OLFM3: variants seen among roughly 807,000 people sequenced by gnomAD.
OLFM3 encodes the protein noelin-3.
In OLFM3, 20 loss-of-function variants were observed where a neutral mutation model predicts 48.6. The observed-to-expected ratio is 0.41, with a 90% CI of 0.29 to 0.60. OLFM3 has a LOEUF of 0.60. Ranked by LOEUF, OLFM3 falls within the 20% of genes least tolerant of loss-of-function variation. The pLI is 0.28. For synonymous variants in OLFM3, 222 were observed against 198.1 expected (o/e 1.12, Z -1.01); for missense variants, 437 against 544.3 (o/e 0.80, Z 1.96).
intron 1 of OLFM3, among the ~76,000 whole-genome samples, chr1:101,949,931 G>GA (rs71088114): frequency 0.089 from 4,769 of 53,292 alleles, 594 homozygotes; most frequent in Admixed American, 0.1. Context: ...GACTCCGTCT[G>GA]AAAAAAAAAA....
intron 1 of OLFM3, among the ~76,000 whole-genome samples, chr1:101,984,095 C>A (rs1661170258): frequency 6.6e-6 from 1 of 151,964 alleles, no homozygotes; most frequent in Admixed American, 6.5e-5. Context: ...CAAAAATTAG[C>A]TGAGCGTGGT....
intron 1 of OLFM3, among the ~76,000 whole-genome samples, chr1:101,896,068 G>A (rs1557721270): frequency 6.6e-6 from 1 of 151,432 alleles, no homozygotes; most frequent in Non-Finnish European, 1.5e-5. Context: ...ACAAAGATAT[G>A]CAACAATAAT....
intron 1 of OLFM3, among the ~76,000 whole-genome samples, chr1:101,849,245 T>G (rs17470860): frequency 0.28 from 42,496 of 152,196 alleles, 6,891 homozygotes; most frequent in Non-Finnish European, 0.38. Flanking sequence ...GCTAAATAGT[T>G]TGCAGTACTC....
At chr1:101,904,769 T>G (rs977902362) in intron 1 of OLFM3, among the ~76,000 whole-genome samples, 1 of 152,068 alleles carries the variant, frequency 6.6e-6, no homozygotes, top group Non-Finnish European at 1.5e-5. Context: ...TGAGAATAAC[T>G]CTTACAATTA....
At chr1:101,820,398 C>A (rs1005819186) in intron 4 of OLFM3, among the ~76,000 whole-genome samples, 2 of 152,024 alleles carry the variant, frequency 1.3e-5, no homozygotes, top group African/African-American at 4.8e-5. Flanking sequence ...GGGGTGTGTA[C>A]AAACTTCAAT....
chr1:101,844,180 G>C (rs1655872445), intron 1 of OLFM3, among the ~76,000 whole-genome samples: 1 of 152,140 alleles, frequency 6.6e-6, no homozygotes, highest in Non-Finnish European at 1.5e-5. Context: ...TCACTGCTTT[G>C]TCACATGCCT....
At chr1:101,948,590 C>T (rs1396034672) in intron 1 of OLFM3, among the ~76,000 whole-genome samples, 1 of 151,972 alleles carries the variant, frequency 6.6e-6, no homozygotes, top group Non-Finnish European at 1.5e-5. Flanking sequence ...TTTCTCTAAA[C>T]ATTCAATGTT....
chr1:101,813,058 G>T, intron 4 of OLFM3: 1 of 1,265,460 alleles, frequency 7.9e-7, no homozygotes, highest in Non-Finnish European at 1.0e-6. Flanking sequence ...AGGGAGGCAA[G>T]TCGCGTGTTA....
chr1:101,846,838 A>G (rs991662212), intron 1 of OLFM3: 1 of 1,605,572 alleles, frequency 6.2e-7, no homozygotes, highest in Non-Finnish European at 8.5e-7. Flanking sequence ...CCACCGCAGT[A>G]ACTTACTAAG....
chr1:101,849,054 C>T (rs1015455525), intron 1 of OLFM3, among the ~76,000 whole-genome samples: 16 of 152,238 alleles, frequency 1.1e-4, no homozygotes, highest in African/African-American at 3.9e-4. Context: ...CAAATTACTA[C>T]ACTAAAGAAT....
intron 1 of OLFM3, among the ~76,000 whole-genome samples, chr1:101,973,130 G>T (rs1411383220): frequency 6.6e-6 from 1 of 152,246 alleles, no homozygotes; most frequent in Non-Finnish European, 1.5e-5. Flanking sequence ...TATGAGAAGT[G>T]ATTGTTTATG....
intron 1 of OLFM3, among the ~76,000 whole-genome samples, chr1:101,856,883 T>C (rs12059847): frequency 0.11 from 16,780 of 151,980 alleles, 1,059 homozygotes; most frequent in Non-Finnish European, 0.13. Context: ...TGTAAGTACC[T>C]ATAGGGATAT....
chr1:101,896,001 TAATAA>T (rs1051157803), intron 1 of OLFM3, among the ~76,000 whole-genome samples: 1 of 133,788 alleles, frequency 7.5e-6, no homozygotes, highest in Admixed American at 7.4e-5. Flanking sequence ...ATAATAATAA[TAATAA>T]AAGTATGCAT....
At chr1:101,971,692 T>C (rs1414167317) in intron 1 of OLFM3, among the ~76,000 whole-genome samples, 1 of 152,182 alleles carries the variant, frequency 6.6e-6, no homozygotes, top group East Asian at 1.9e-4. Context: ...CCTGAAGATG[T>C]CTAAAATTAT....
chr1:101,978,396 A>C (rs1368732693), intron 1 of OLFM3, among the ~76,000 whole-genome samples: 1 of 152,168 alleles, frequency 6.6e-6, no homozygotes, highest in East Asian at 1.9e-4. Context: ...ATTATATGAA[A>C]AAATAATTTT....
At chr1:101,923,057 G>A (rs1195883871) in intron 1 of OLFM3, among the ~76,000 whole-genome samples, 1 of 152,186 alleles carries the variant, frequency 6.6e-6, no homozygotes, top group Non-Finnish European at 1.5e-5. Flanking sequence ...CAGGCAGTCT[G>A]ACTACAGGGC....
intron 1 of OLFM3, among the ~76,000 whole-genome samples, chr1:101,867,427 T>C (rs1181305624): frequency 6.6e-6 from 1 of 152,212 alleles, no homozygotes; most frequent in African/African-American, 2.4e-5. Context: ...CCTGAAGGAT[T>C]GTTACCTTCC....
intron 1 of OLFM3, 34 bp downstream of exon 1, chr1:101,996,714 T>C: frequency 1.7e-5 from 27 of 1,607,728 alleles, no homozygotes; most frequent in Non-Finnish European, 2.3e-5. Flanking sequence ...TATTGCACAT[T>C]TATTTCAAAC....
intron 1 of OLFM3, among the ~76,000 whole-genome samples, chr1:101,891,063 A>G (rs1479591609): frequency 6.6e-6 from 1 of 152,002 alleles, no homozygotes; most frequent in Admixed American, 6.6e-5. Flanking sequence ...TTAGTAATAC[A>G]TTAGTTTTCA....
Sources: gnomAD v4.1 joint callset for allele counts (sites outside exome capture counted in the v4.1 genomes callset) on GRCh38, gnomAD v4.1.1 for gene constraint, MANE v1.5 for transcripts, NCBI Gene and HGNC (gene_info 2026-07-23, HGNC 2026-07-21) for gene names.